AFG3L2: variants seen among roughly 807,000 people sequenced by gnomAD.
AFG3L2 encodes mitochondrial inner membrane m-AAA protease component AFG3L2.
AFG3L2 carries 54 observed loss-of-function variants against 94.5 expected under a neutral mutation model. The ratio of observed to expected loss-of-function variants is 0.57; its 90% CI spans 0.46 to 0.72. The LOEUF (loss-of-function observed/expected upper bound fraction) is 0.72. AFG3L2 is among the 30% of genes least tolerant of loss of function. The probability of loss-of-function intolerance (pLI) is 0.00; values close to 1 mark genes in which losing one functional copy is unlikely to be tolerated. For synonymous variants in AFG3L2, 377 were observed against 365.5 expected (o/e 1.03, Z -0.36); for missense variants, 754 against 994.9 (o/e 0.76, Z 3.26).
At chr18:12,350,566 T>C (rs1020110220) in intron 12 of AFG3L2, among the ~76,000 whole-genome samples, 1 of 152,238 alleles carries the variant, frequency 6.6e-6, no homozygotes, top group Admixed American at 6.5e-5. Flanking sequence ...AATTAGTAAT[T>C]GTTCCTGAAA....
At chr18:12,357,120 A>T (rs2079171319) in intron 8 of AFG3L2, among the ~76,000 whole-genome samples, 1 of 152,148 alleles carries the variant, frequency 6.6e-6, no homozygotes, top group Admixed American at 6.5e-5. Flanking sequence ...GTAAAGGGTG[A>T]CTTGGGCTAG....
chr18:12,356,313 G>A (rs1011642873), intron 9 of AFG3L2, among the ~76,000 whole-genome samples: 1 of 152,102 alleles, frequency 6.6e-6, no homozygotes, highest in African/African-American at 2.4e-5. Context: ...GACCACGCCT[G>A]GCTAATTTTT....
chr18:12,360,874 A>G (rs996707882), intron 6 of AFG3L2, among the ~76,000 whole-genome samples: 4 of 152,160 alleles, frequency 2.6e-5, no homozygotes, highest in East Asian at 1.9e-4. Context: ...CCTAACCACA[A>G]TGTCACACTG....
intron 10 of AFG3L2, 99 bp downstream of exon 10, chr18:12,352,906 A>C: frequency 1.3e-6 from 2 of 1,544,004 alleles, no homozygotes; most frequent in Non-Finnish European, 1.8e-6. Flanking sequence ...AGTGAGCCGA[A>C]ATCACACCAC....
At chr18:12,351,551 T>TTG (rs1908318973) in intron 10 of AFG3L2, 138 bp from the exon 11 acceptor site, 1 of 728,464 alleles carries the variant, frequency 1.4e-6, no homozygotes, top group African/African-American at 1.8e-5. Flanking sequence ...TGTTTTTTGT[T>TTG]TTTTTTTTTT....
At chr18:12,349,908 T>G in intron 12 of AFG3L2, among the ~76,000 whole-genome samples, 1 of 152,024 alleles carries the variant, frequency 6.6e-6, no homozygotes, top group Non-Finnish European at 1.5e-5. Flanking sequence ...GTGATCCACC[T>G]GCCTTGGTAT....
intron 3 of AFG3L2, 41 bp downstream of exon 3, chr18:12,370,808 G>A (rs2143231303): frequency 1.5e-6 from 2 of 1,336,470 alleles, no homozygotes; most frequent in South Asian, 1.2e-5. Flanking sequence ...TATACATGAG[G>A]GGAAAACACA....
intron 1 of AFG3L2, among the ~76,000 whole-genome samples, chr18:12,372,279 G>A (rs1159563862): frequency 6.6e-6 from 1 of 152,198 alleles, no homozygotes; most frequent in Non-Finnish European, 1.5e-5. Context: ...ACTCCAGCCT[G>A]GGCGATGGAG....
intron 14 of AFG3L2, chr18:12,340,947 AG>A (rs1907934088): frequency 6.5e-6 from 1 of 153,774 alleles, no homozygotes; most frequent in Admixed American, 6.2e-5. Flanking sequence ...AAGTAAAAAC[AG>A]GGTCTCACTT....
rs1052582214 is a variant in AFG3L2 at position 12,329,178 on chromosome 18, G to T, written c.*387C>A. The T allele has an allele frequency of 1.4e-6, 1 of 702,848 alleles. No individual in the cohort carries two copies. The highest frequency in any genetic ancestry group is 2.6e-6 in the Non-Finnish European group (1 of 385,028). 43.5% of individuals were successfully genotyped at this position (702,848 alleles called of 1,614,324 possible). A position where few individuals can be genotyped will look rare whatever the true frequency, so the allele number is the denominator to read the frequency against. On this transcript the variant is annotated 3_prime_UTR_variant, in exon 17 of 17. Transcript: ENST00000269143. ...GCACAGGGGAACTGAGGAGAAACAG[G>T]AATGAAGAGTGGGCGACAAAGAGAA...
At chr18:12,357,667 G>A (rs964309812) in intron 8 of AFG3L2, among the ~76,000 whole-genome samples, 3 of 151,712 alleles carry the variant, frequency 2.0e-5, no homozygotes, top group East Asian at 1.9e-4. Flanking sequence ...GCACGATCTC[G>A]GCTCACTGCA....
intron 15 of AFG3L2, 109 bp downstream of exon 15, chr18:12,340,092 C>T: frequency 4.7e-6 from 5 of 1,062,330 alleles, no homozygotes; most frequent in Non-Finnish European, 7.3e-6. Flanking sequence ...GCCTAAAAAG[C>T]CTAAAACAGT....
intron 3 of AFG3L2, among the ~76,000 whole-genome samples, chr18:12,369,428 T>A (rs1056067875): frequency 6.6e-6 from 1 of 152,136 alleles, no homozygotes; most frequent in African/African-American, 2.4e-5. Context: ...GACAAGTACA[T>A]TTAAAAACGT....
chr18:12,345,860 AAT>A (rs1461734313), intron 13 of AFG3L2, among the ~76,000 whole-genome samples: 1 of 152,164 alleles, frequency 6.6e-6, no homozygotes, highest in Admixed American at 6.5e-5. Context: ...TTCAATAACA[AAT>A]TTATAGAATA....
intron 5 of AFG3L2, among the ~76,000 whole-genome samples, chr18:12,365,651 A>G (rs1354178820): frequency 6.6e-6 from 1 of 152,188 alleles, no homozygotes; most frequent in East Asian, 1.9e-4. Context: ...TTAGCACAGT[A>G]GCAGCTGCTC....
At chr18:12,333,157 TAA>T (rs1365425123) in intron 16 of AFG3L2, among the ~76,000 whole-genome samples, 4 of 30,746 alleles carry the variant, frequency 1.3e-4, no homozygotes. Context: ...TATAATAATC[TAA>T]TATATATAAT....
At chr18:12,361,788 AT>A (rs1355511506) in intron 6 of AFG3L2, among the ~76,000 whole-genome samples, 6 of 152,246 alleles carry the variant, frequency 3.9e-5, no homozygotes. Flanking sequence ...TAAGTTTTAT[AT>A]TATATAACAA....
At chr18:12,334,463 C>G (rs1174343234) in intron 16 of AFG3L2, among the ~76,000 whole-genome samples, 3 of 152,188 alleles carry the variant, frequency 2.0e-5, no homozygotes, top group East Asian at 1.9e-4. Flanking sequence ...CAGCTCAACA[C>G]CTGGCTATCT....
chr18:12,329,134 T>C lies in AFG3L2; in HGVS notation c.*431A>G. On this transcript the variant is annotated 3_prime_UTR_variant, in exon 17 of 17. Transcript: ENST00000269143. ...AAAATGTTCTTATCAAGACTCCAAT[T>C]TAATTTCACAGCCCATCTGCACAGG... 1.4e-6 allele frequency: 1 copy of C among 702,922 alleles called. No individual in the cohort carries two copies. The highest frequency in any genetic ancestry group is 2.6e-6 in the Non-Finnish European group (1 of 384,970). 43.5% of individuals were successfully genotyped at this position (702,922 alleles called of 1,614,324 possible).
Sources: gnomAD v4.1 joint callset for allele counts (sites outside exome capture counted in the v4.1 genomes callset) on GRCh38, gnomAD v4.1.1 for gene constraint, MANE v1.5 for transcripts, NCBI Gene and HGNC (gene_info 2026-07-23, HGNC 2026-07-21) for gene names.